CDH8: variants seen among roughly 807,000 people sequenced by gnomAD.
The protein encoded by CDH8 is cadherin-8.
CDH8 carries 17 observed loss-of-function variants against 68.1 expected under a neutral mutation model. The observed-to-expected ratio is 0.25, with a 90% confidence interval of 0.17 to 0.37. The LOEUF (loss-of-function observed/expected upper bound fraction) is 0.37. CDH8 is among the 10% of genes least tolerant of loss of function. The pLI, the probability that CDH8 is intolerant of heterozygous loss-of-function variation, is 1.00. For synonymous variants in CDH8, 372 were observed against 365.1 expected, an observed-to-expected ratio of 1.02 and a Z score of -0.21; for missense variants, 763 against 999.3, an observed-to-expected ratio of 0.76 and a Z score of 3.19.
intron 8 of CDH8, among the ~76,000 whole-genome samples, chr16:61,749,363 C>A (rs540626401): frequency 2.6e-5 from 4 of 152,074 alleles, no homozygotes; most frequent in Non-Finnish European, 5.9e-5. Flanking sequence ...TATTTATATA[C>A]AGCCTTTCAG....
chr16:61,745,002 T>G (rs1959979098), intron 8 of CDH8, among the ~76,000 whole-genome samples: 1 of 151,232 alleles, frequency 6.6e-6, no homozygotes, highest in South Asian at 2.1e-4. Context: ...TATATTATCA[T>G]ATTGCCATTT....
chr16:61,706,419 C>G (rs1415879499), intron 10 of CDH8, among the ~76,000 whole-genome samples: 1 of 151,812 alleles, frequency 6.6e-6, no homozygotes, highest in African/African-American at 2.4e-5. Flanking sequence ...AGATCGAGAC[C>G]ATCCTGGCTA....
intron 2 of CDH8, among the ~76,000 whole-genome samples, chr16:61,937,469 T>A (rs1385911594): frequency 6.6e-6 from 1 of 152,292 alleles, no homozygotes; most frequent in Middle Eastern, 3.4e-3. Context: ...ATGCCGGACA[T>A]CAGCAATCAA....
chr16:61,772,351 T>C (rs1485103533), intron 8 of CDH8, among the ~76,000 whole-genome samples: 1 of 152,012 alleles, frequency 6.6e-6, no homozygotes, highest in Non-Finnish European at 1.5e-5. Flanking sequence ...AATTGGGTTT[T>C]CCCTAGGAGA....
At chr16:61,994,152 C>T (rs1965773714) in intron 2 of CDH8, among the ~76,000 whole-genome samples, 1 of 152,100 alleles carries the variant, frequency 6.6e-6, no homozygotes, top group Admixed American at 6.6e-5. Flanking sequence ...GAACTGTTTG[C>T]CATTTTTAAA....
chr16:61,677,352 C>T (rs1170972993), intron 10 of CDH8, among the ~76,000 whole-genome samples: 2 of 151,236 alleles, frequency 1.3e-5, no homozygotes, highest in African/African-American at 4.9e-5. Context: ...TTCACATGTT[C>T]CTCAAAGACT....
At chr16:62,016,548 C>T (rs1287924667) in intron 2 of CDH8, among the ~76,000 whole-genome samples, 1 of 152,144 alleles carries the variant, frequency 6.6e-6, no homozygotes, top group African/African-American at 2.4e-5. Flanking sequence ...TTTTCTCTTT[C>T]CTAAGACCAG....
chr16:61,879,934 GT>G (rs1007758077), intron 3 of CDH8, among the ~76,000 whole-genome samples: 1 of 150,372 alleles, frequency 6.7e-6, no homozygotes, highest in Non-Finnish European at 1.5e-5. Context: ...GGTTTGGTTT[GT>G]TTTTTTTTGA....
At chr16:61,969,932 C>G (rs1008522684) in intron 2 of CDH8, among the ~76,000 whole-genome samples, 1 of 152,188 alleles carries the variant, frequency 6.6e-6, no homozygotes. Flanking sequence ...AATCTGTTCT[C>G]TTAGTTTGAA....
chr16:62,011,502 CT>C (rs1305664862), intron 2 of CDH8, among the ~76,000 whole-genome samples: 2 of 152,148 alleles, frequency 1.3e-5, no homozygotes, highest in Non-Finnish European at 2.9e-5. Flanking sequence ...CTCCTTGACC[CT>C]TTTTTAAAAT....
chr16:61,733,486 T>C (rs1959592323), intron 8 of CDH8, among the ~76,000 whole-genome samples: 1 of 151,836 alleles, frequency 6.6e-6, no homozygotes, highest in Admixed American at 6.6e-5. Context: ...AAAAAATATA[T>C]TGTGCTTCAT....
rs1341701883 is a variant in CDH8 at position 61,739,907 on chromosome 16, A to ATG, written c.1415-12693_1415-12692insCA. On this transcript the variant is annotated intron_variant, in intron 8 of 11. Transcript: ENST00000577390. The stretch of plus-strand genomic sequence containing the variant: ...TCCATATATATATATATATATATAT[A>ATG]TATATGTATTTTTTTTTTTGAGACA... 8.5e-3 allele frequency among the ~76,000 whole-genome samples: 854 copies of ATG among 100,820 alleles called. 13 individuals carry two copies. The highest frequency in any genetic ancestry group is 0.012 in the South Asian group (38 of 3,240). 66.1% of individuals were successfully genotyped at this position (100,820 alleles called of 152,430 possible). A position where few individuals can be genotyped will look rare whatever the true frequency, so the allele number is the denominator to read the frequency against.
intron 2 of CDH8, among the ~76,000 whole-genome samples, chr16:62,001,548 G>A (rs1038480460): frequency 1.3e-5 from 2 of 152,124 alleles, no homozygotes; most frequent in African/African-American, 4.8e-5. Context: ...GGCTTAACTT[G>A]TCAGTGATAA....
intron 10 of CDH8, among the ~76,000 whole-genome samples, chr16:61,702,243 G>C (rs577328686): frequency 1.3e-5 from 2 of 152,164 alleles, no homozygotes; most frequent in Non-Finnish European, 2.9e-5. Flanking sequence ...GTGGCGGCGG[G>C]TGCCTGTAGT....
At chr16:61,862,314 G>A (rs746062776) in intron 3 of CDH8, among the ~76,000 whole-genome samples, 2 of 152,066 alleles carry the variant, frequency 1.3e-5, no homozygotes, top group Non-Finnish European at 2.9e-5. Context: ...CATTAAGCAG[G>A]AGGCTAGACA....
intron 4 of CDH8, among the ~76,000 whole-genome samples, chr16:61,854,102 GCA>G (rs1400400611): frequency 1.4e-5 from 2 of 146,094 alleles, no homozygotes; most frequent in African/African-American, 5.3e-5. Flanking sequence ...TTATAAGTAC[GCA>G]CACACACATG....
chr16:61,873,609 GCGA>G (rs1963409669), intron 3 of CDH8, among the ~76,000 whole-genome samples: 1 of 152,198 alleles, frequency 6.6e-6, no homozygotes, highest in Non-Finnish European at 1.5e-5. Context: ...TGGTGGGAAA[GCGA>G]TCTGCAGTCA....
intron 2 of CDH8, among the ~76,000 whole-genome samples, chr16:61,960,072 T>TACACA (rs1490508782): frequency 1.5e-5 from 2 of 133,542 alleles, no homozygotes; most frequent in Admixed American, 7.3e-5. Context: ...TGTATACACA[T>TACACA]ACATATATAC....
At chr16:61,969,098 C>G (rs1167969917) in intron 2 of CDH8, among the ~76,000 whole-genome samples, 3 of 152,144 alleles carry the variant, frequency 2.0e-5, no homozygotes, top group Non-Finnish European at 4.4e-5. Context: ...TAAGGAGAAA[C>G]AGAAATAAAA....
Sources: gnomAD v4.1 joint callset for allele counts (sites outside exome capture counted in the v4.1 genomes callset) on GRCh38, gnomAD v4.1.1 for gene constraint, MANE v1.5 for transcripts, NCBI Gene and HGNC (gene_info 2026-07-23, HGNC 2026-07-21) for gene names.